SBF2: variants seen among roughly 807,000 people sequenced by gnomAD.
SBF2 encodes myotubularin-related protein 13.
A neutral mutation model predicts 225.2 loss-of-function variants in SBF2; 112 were observed. The ratio of observed to expected loss-of-function variants is 0.50; its 90% CI spans 0.43 to 0.58. SBF2 has a LOEUF of 0.58. Ranked by LOEUF, SBF2 falls within the 20% of genes least tolerant of loss-of-function variation. The probability of loss-of-function intolerance (pLI) is 0.00; values close to 1 mark genes in which losing one functional copy is unlikely to be tolerated. For synonymous variants in SBF2, 763 were observed against 773.3 expected, an observed-to-expected ratio of 0.99 and a Z score of 0.22; for missense variants, 1,996 against 2,206.2, an observed-to-expected ratio of 0.90 and a Z score of 1.91.
chr11:10,203,873 T>C, intron 1 of SBF2, among the ~76,000 whole-genome samples: 1 of 151,990 alleles, frequency 6.6e-6, no homozygotes, highest in Non-Finnish European at 1.5e-5. Flanking sequence ...AACAGAGCTG[T>C]GCAACAACTT....
intron 16 of SBF2, among the ~76,000 whole-genome samples, chr11:9,931,299 C>T (rs1221149907): frequency 2.6e-5 from 4 of 152,350 alleles, no homozygotes; most frequent in African/African-American, 9.6e-5. Flanking sequence ...CAGACTGCCT[C>T]CTCAAGTGGG....
intron 2 of SBF2, among the ~76,000 whole-genome samples, chr11:10,128,041 T>C (rs1271308659): frequency 2.0e-5 from 3 of 152,206 alleles, no homozygotes; most frequent in African/African-American, 7.2e-5. Context: ...CAATAAAGGT[T>C]AGCATTCAGT....
At chr11:9,957,723 T>C (rs1010483508) in intron 16 of SBF2, 2 of 152,222 alleles carry the variant, frequency 1.3e-5, no homozygotes, top group African/African-American at 4.8e-5. Flanking sequence ...CCTCCCAAAG[T>C]GCTGGAATTA....
chr11:9,981,337 T>C (rs1946949487), intron 13 of SBF2, among the ~76,000 whole-genome samples: 1 of 152,096 alleles, frequency 6.6e-6, no homozygotes, highest in Non-Finnish European at 1.5e-5. Flanking sequence ...GGGTGAAAAG[T>C]GACTACTGGG....
chr11:9,982,609 C>T (rs1947006532), intron 13 of SBF2, among the ~76,000 whole-genome samples: 1 of 152,160 alleles, frequency 6.6e-6, no homozygotes, highest in Non-Finnish European at 1.5e-5. Context: ...ATTGCAGCTC[C>T]AGACAGAGAA....
chr11:10,266,604 GAGA>G (rs1043221886), intron 1 of SBF2, among the ~76,000 whole-genome samples: 1 of 152,212 alleles, frequency 6.6e-6, no homozygotes, highest in Non-Finnish European at 1.5e-5. Context: ...GAACTAGCTA[GAGA>G]AGAATTTAAC....
intron 2 of SBF2, among the ~76,000 whole-genome samples, chr11:10,072,801 A>G (rs574326401): frequency 5.4e-5 from 8 of 149,112 alleles, no homozygotes; most frequent in Admixed American, 4.8e-4. Context: ...GCACCATCTC[A>G]GATCACTGCT....
Position 10,122,519 on chromosome 11 carries a change from C to T in SBF2, c.141+71383G>A, listed in dbSNP as rs77000506. ...TCCAACATCTCACTTGTTCAACACCCTCAATTATGTGGCACACAGCCAAGG... is the reference window on the plus strand; with the variant it reads ...TCCAACATCTCACTTGTTCAACACCTTCAATTATGTGGCACACAGCCAAGG... On this transcript the variant is annotated intron_variant, in intron 2 of 39. Transcript: ENST00000256190. Among the ~76,000 whole-genome samples, 1,304 of 152,304 alleles carry T rather than the reference C, an allele frequency of 8.6e-3. 13 individuals are homozygous for T. Among genetic ancestry groups the T allele is most frequent in the African/African-American group, 0.03 (1,228 of 41,564 alleles).
At chr11:10,260,673 A>G (rs905765721) in intron 1 of SBF2, among the ~76,000 whole-genome samples, 3 of 150,210 alleles carry the variant, frequency 2.0e-5, no homozygotes, top group Non-Finnish European at 4.4e-5. Context: ...ACTGCACTCC[A>G]GCCTGGGCAA....
At chr11:9,969,185 C>T (rs1277707841) in intron 13 of SBF2, among the ~76,000 whole-genome samples, 1 of 152,176 alleles carries the variant, frequency 6.6e-6, no homozygotes, top group Non-Finnish European at 1.5e-5. Flanking sequence ...CATTCTCTAA[C>T]ACCCAACTAT....
At chr11:9,952,445 T>C (rs913049204) in intron 16 of SBF2, among the ~76,000 whole-genome samples, 2 of 152,184 alleles carry the variant, frequency 1.3e-5, no homozygotes, top group African/African-American at 4.8e-5. Context: ...AGATACCTGA[T>C]GTTACTAATT....
At chr11:10,096,584 G>A (rs1952036405) in intron 2 of SBF2, among the ~76,000 whole-genome samples, 1 of 152,010 alleles carries the variant, frequency 6.6e-6, no homozygotes, top group Middle Eastern at 3.2e-3. Flanking sequence ...AGCCTTACGA[G>A]ACTTAGAATA....
chr11:10,079,028 C>T (rs375138456), intron 2 of SBF2, among the ~76,000 whole-genome samples: 17 of 152,224 alleles, frequency 1.1e-4, no homozygotes, highest in African/African-American at 3.6e-4. Flanking sequence ...ACTCAACATA[C>T]ACCACAGATG....
At chr11:10,207,684 G>A (rs1175465670) in intron 1 of SBF2, among the ~76,000 whole-genome samples, 1 of 151,872 alleles carries the variant, frequency 6.6e-6, no homozygotes, top group Non-Finnish European at 1.5e-5. Context: ...GACCCTAACA[G>A]ATAAGTTTAG....
At chr11:10,213,670 T>C (rs1428262945) in intron 1 of SBF2, among the ~76,000 whole-genome samples, 3 of 152,086 alleles carry the variant, frequency 2.0e-5, no homozygotes, top group Non-Finnish European at 4.4e-5. Flanking sequence ...GTGGTGGGAA[T>C]GGGAATAAAA....
At chr11:10,079,078 G>A (rs530193887) in intron 2 of SBF2, among the ~76,000 whole-genome samples, 1 of 150,548 alleles carries the variant, frequency 6.6e-6, no homozygotes, top group South Asian at 2.2e-4. Context: ...CAGTAAAAGT[G>A]AATTCAAAAA....
chr11:10,064,265 T>C (rs1950556839), intron 2 of SBF2, among the ~76,000 whole-genome samples: 1 of 152,124 alleles, frequency 6.6e-6, no homozygotes, highest in Admixed American at 6.5e-5. Flanking sequence ...ACAGTATCAC[T>C]TGAAAGTAGA....
At chr11:10,036,662 T>C (rs1369124018) in intron 3 of SBF2, among the ~76,000 whole-genome samples, 2 of 152,206 alleles carry the variant, frequency 1.3e-5, no homozygotes, top group East Asian at 1.9e-4. Context: ...ATACAGATCA[T>C]TAAAGGCATA....
rs1208536189 is a variant in SBF2, at chr11:10,001,020, T to A, written c.755A>T (p.Tyr252Phe). ...ESLMFPLKYS[Y>F]PYIPILPAQL... Reference sequence around the variant, plus strand: ...AGCCGGGAGAATAGGGATATAAGGATAACTGGAAATAATAAAAATATGCGT... The same window carrying A: ...AGCCGGGAGAATAGGGATATAAGGAAAACTGGAAATAATAAAAATATGCGT... Residue 252 changes from tyrosine (Y) to phenylalanine (F), a missense_variant and splice_region_variant, in exon 8 of 40, where the codon TAT becomes TTT. By Grantham distance (22) the Tyr-to-Phe change is conservative (BLOSUM62 3). Coordinates refer to ENST00000256190, the MANE Select transcript of SBF2 (RefSeq NM_030962.4). The A allele has an allele frequency of 6.7e-7, 1 of 1,484,366 alleles. No homozygotes were observed. Among genetic ancestry groups the A allele is most frequent in the Non-Finnish European group, 9.4e-7 (1 of 1,061,822 alleles). 91.9% of individuals were successfully genotyped at this position (1,484,366 alleles called of 1,614,324 possible). A position where few individuals can be genotyped will look rare whatever the true frequency, so the allele number is the denominator to read the frequency against.
Sources: gnomAD v4.1 joint callset for allele counts (sites outside exome capture counted in the v4.1 genomes callset) on GRCh38, gnomAD v4.1.1 for gene constraint, MANE v1.5 for transcripts, NCBI Gene and HGNC (gene_info 2026-07-23, HGNC 2026-07-21) for gene names.